The following FMN1 variants were observed in gnomAD, a reference collection of about 807,000 sequenced individuals.
FMN1 encodes the protein formin 1, also known as formin-1.
In FMN1, 110 loss-of-function variants were observed where a neutral mutation model predicts 132.4. The observed-to-expected ratio is 0.83, with a 90% CI of 0.71 to 0.97. The LOEUF (loss-of-function observed/expected upper bound fraction) is 0.97. Among genes scored for constraint, FMN1 ranks in the 50% least tolerant of loss-of-function variants. The pLI is 0.00. For synonymous variants in FMN1, 722 were observed against 651.7 expected (o/e 1.11, Z -1.64); for missense variants, 1,792 against 1,705.3 (o/e 1.05, Z -0.90).
rs146485952 is a variant in FMN1 at position 33,143,344 on chromosome 15, G to A, written c.1867+9704C>T. ...TTAACATAGGAAAAATGTGAAAAAT[G>A]TGTCCCTGTTACCAGTTTTCAGACT... On this transcript the variant is annotated intron_variant, in intron 4 of 20. Transcript: ENST00000616417. Among the ~76,000 whole-genome samples, 274 of 152,254 alleles carry A rather than the reference G, an allele frequency of 1.8e-3. 1 individual carries two copies. The highest frequency in any genetic ancestry group is 6.2e-3 in the African/African-American group (257 of 41,546).
chr15:33,152,889 C>A (rs1411957658), intron 4 of FMN1, among the ~76,000 whole-genome samples, 159 bp downstream of exon 4: 1 of 152,002 alleles, frequency 6.6e-6, no homozygotes, highest in African/African-American at 2.4e-5. Context: ...CATCTCCACA[C>A]CCCGCTGTTC....
chr15:33,046,131 G>A (rs541085881), intron 6 of FMN1, among the ~76,000 whole-genome samples: 2 of 152,124 alleles, frequency 1.3e-5, no homozygotes, highest in South Asian at 2.1e-4. Flanking sequence ...CTATACTTGT[G>A]AAAATATCAA....
intron 9 of FMN1, among the ~76,000 whole-genome samples, chr15:32,957,836 T>C (rs955949468): frequency 5.3e-5 from 8 of 152,172 alleles, no homozygotes; most frequent in Non-Finnish European, 1.0e-4. Context: ...TTTTTCTGAA[T>C]GTTACGAAAG....
chr15:32,904,182 G>A lies in FMN1; in HGVS notation c.3378-2142C>T, dbSNP rs145066577. ...TCTCGGTGATGGATCCAGAAGAGGA[G>A]CTAGGAAAGCAAATGCAGGACACTC... On this transcript the variant is annotated intron_variant, in intron 12 of 20. Transcript: ENST00000616417. Among the ~76,000 whole-genome samples, 467 of 152,170 alleles carry A rather than the reference G, an allele frequency of 3.1e-3. 2 individuals carry two copies. Among genetic ancestry groups the A allele is most frequent in the Non-Finnish European group, 4.0e-3 (272 of 68,002 alleles).
At chr15:33,106,697 G>A (rs1276763299) in intron 4 of FMN1, among the ~76,000 whole-genome samples, 2 of 152,008 alleles carry the variant, frequency 1.3e-5, no homozygotes, top group Non-Finnish European at 2.9e-5. Context: ...ACTGTTTTCT[G>A]TGGGAGGATG....
chr15:33,151,004 A>T, intron 4 of FMN1: 1 of 1,130,074 alleles, frequency 8.8e-7, no homozygotes, highest in Non-Finnish European at 1.1e-6. Flanking sequence ...AGCTGGAAGC[A>T]GGAAACTTCT....
At chr15:32,830,553 G>C (rs760905519) in intron 17 of FMN1, among the ~76,000 whole-genome samples, 1 of 152,146 alleles carries the variant, frequency 6.6e-6, no homozygotes, top group East Asian at 1.9e-4. Context: ...GCTTCAACCT[G>C]TATTTCACTG....
intron 17 of FMN1, among the ~76,000 whole-genome samples, chr15:32,833,397 AG>A: frequency 6.6e-6 from 1 of 152,254 alleles, no homozygotes; most frequent in African/African-American, 2.4e-5. Flanking sequence ...TCTACTGATA[AG>A]GGAGAAGACC....
chr15:33,095,854 A>C (rs2039064810), intron 4 of FMN1, among the ~76,000 whole-genome samples: 1 of 152,188 alleles, frequency 6.6e-6, no homozygotes, highest in Admixed American at 6.5e-5. Flanking sequence ...CTTAATAGCT[A>C]AGGAAGTAAA....
chr15:32,979,934 C>T (rs989083674), intron 7 of FMN1, among the ~76,000 whole-genome samples: 7 of 152,112 alleles, frequency 4.6e-5, no homozygotes, highest in South Asian at 4.1e-4. Flanking sequence ...AACAAATGAC[C>T]GATGATGCAT....
chr15:33,088,806 T>C lies in FMN1; in HGVS notation c.2036A>G (p.Asp679Gly), dbSNP rs1222534149. The change falls in exon 5 of 21, where the codon GAT becomes GGT. Residue 679 changes from aspartate (D) to glycine (G), a missense_variant. Transcript: ENST00000616417. ...EKSNRSELYL[D>G]LHPDHSLTEQ... ...ACCAAGATTTCTACTTACATGGAGA[T>C]CCAAGTACAATTCGCTCCTGTTTGA... The C allele has an allele frequency of 3.9e-6, 6 of 1,535,224 alleles. No homozygotes were observed. Among genetic ancestry groups the C allele is most frequent in the Non-Finnish European group, 5.2e-6 (6 of 1,146,582 alleles).
At chr15:32,841,259 G>A (rs939620361) in intron 17 of FMN1, among the ~76,000 whole-genome samples, 9 of 152,154 alleles carry the variant, frequency 5.9e-5, no homozygotes, top group Admixed American at 1.3e-4. Flanking sequence ...AACACACAGT[G>A]TTTTAATCTC....
chr15:33,060,889 C>T (rs768878065), intron 6 of FMN1, among the ~76,000 whole-genome samples: 1 of 152,214 alleles, frequency 6.6e-6, no homozygotes, highest in Non-Finnish European at 1.5e-5. Flanking sequence ...ACATTAACCT[C>T]ACTTCCCCTG....
At chr15:33,041,582 A>T (rs1232185267) in intron 6 of FMN1, among the ~76,000 whole-genome samples, 1 of 152,136 alleles carries the variant, frequency 6.6e-6, no homozygotes, top group Non-Finnish European at 1.5e-5. Flanking sequence ...CTTTCTTCCA[A>T]GAAGACATAC....
chr15:33,106,760 C>G (rs926275189), intron 4 of FMN1, among the ~76,000 whole-genome samples: 1 of 152,072 alleles, frequency 6.6e-6, no homozygotes, highest in Non-Finnish European at 1.5e-5. Flanking sequence ...CCTCTACTCA[C>G]TAGTTAATAG....
chr15:33,062,565 T>A (rs2037535215), intron 6 of FMN1: 1 of 152,098 alleles, frequency 6.6e-6, no homozygotes, highest in Non-Finnish European at 1.5e-5. Flanking sequence ...GAGCTTGCAG[T>A]GAGCCAAGAT....
intron 15 of FMN1, among the ~76,000 whole-genome samples, chr15:32,893,626 T>TAG (rs1307230657): frequency 6.6e-6 from 1 of 152,258 alleles, no homozygotes; most frequent in Non-Finnish European, 1.5e-5. Flanking sequence ...CTTAGGCTCC[T>TAG]AGAGGAAAGG....
intron 17 of FMN1, among the ~76,000 whole-genome samples, chr15:32,838,831 GT>G (rs2058683707): frequency 6.6e-6 from 1 of 152,202 alleles, no homozygotes; most frequent in African/African-American, 2.4e-5. Flanking sequence ...CAATAGGATT[GT>G]GACACGAAGA....
intron 17 of FMN1, among the ~76,000 whole-genome samples, chr15:32,805,067 A>C (rs1210865862): frequency 1.3e-5 from 2 of 152,188 alleles, no homozygotes; most frequent in African/African-American, 4.8e-5. Flanking sequence ...CTAGTTCTAG[A>C]TCCTTGAGGA....
Sources: gnomAD v4.1 joint callset for allele counts (sites outside exome capture counted in the v4.1 genomes callset) on GRCh38, gnomAD v4.1.1 for gene constraint, MANE v1.5 for transcripts, NCBI Gene and HGNC (gene_info 2026-07-23, HGNC 2026-07-21) for gene names.